SZT2: variants seen among roughly 807,000 people sequenced by gnomAD.
SZT2 encodes SZT2 subunit of KICSTOR complex, also known as KICSTOR complex protein SZT2.
In SZT2, 216 loss-of-function variants were observed where a neutral mutation model predicts 404.2. The ratio of observed to expected loss-of-function variants is 0.53; its 90% confidence interval spans 0.48 to 0.60. SZT2 has a LOEUF of 0.60. Among genes scored for constraint, SZT2 ranks in the 20% least tolerant of loss-of-function variants. The pLI is 0.00. For synonymous variants in SZT2, 1,693 were observed against 1,749.9 expected (o/e 0.97, Z 0.81); for missense variants, 3,857 against 4,459.2 (o/e 0.86, Z 3.85).
chr1:43,394,018 C>G (rs1330488571), intron 1 of SZT2: 1 of 938,208 alleles, frequency 1.1e-6, no homozygotes, highest in Non-Finnish European at 1.3e-6. Flanking sequence ...CCCCGAAACT[C>G]TACTTTGTCT....
rs112461557 is a variant in SZT2 at position 43,438,733 on chromosome 1, A to C, written c.6543A>C (p.Leu2181=). 3 of 1,613,956 alleles carry C rather than the reference A, an allele frequency of 1.9e-6. No homozygotes were observed. Reference sequence around the variant, plus strand: ...TCACGGATGAGCTCGTGCGAGTTCTATGTCGGCGCCTGGATGAGGCCACGC... The same window carrying C: ...TCACGGATGAGCTCGTGCGAGTTCTCTGTCGGCGCCTGGATGAGGCCACGC... ...PEITDELVRV[L]CRRLDEATLD... Residue 2181 remains leucine, a synonymous_variant, in exon 47 of 72, where the codon CTA becomes CTC. Transcript: ENST00000634258.
intron 62 of SZT2, among the ~76,000 whole-genome samples, chr1:43,445,053 G>A (rs1655512649): frequency 6.6e-6 from 1 of 152,098 alleles, no homozygotes; most frequent in Non-Finnish European, 1.5e-5. Flanking sequence ...CTCCTACCCT[G>A]GGGAGGAGCT....
rs763372456 is a variant in SZT2, at chr1:43,442,903, C to T, written c.8236C>T (p.Arg2746Ter). The T allele has an allele frequency of 6.8e-6, 11 of 1,614,088 alleles. No individual in the cohort carries two copies. Among genetic ancestry groups the T allele is most frequent in the Non-Finnish European group, 8.5e-6 (10 of 1,179,976 alleles). Residue 2746 changes from arginine to a stop codon, truncating the protein, a stop_gained, in exon 59 of 72, where the codon CGA becomes TGA. Coordinates refer to ENST00000634258, the MANE Select transcript of SZT2 (RefSeq NM_001365999.1). LOFTEE classifies it high-confidence loss of function. This position sits in a 1 kb window ranked among gnomAD's most constrained non-coding sequence, Gnocchi z 4.5. ...TCCCCCGCTGAGCCGTGAGCAGGGC[C>T]GACTGAGTGGGTCCTCTCGTGGTGG... ...ASPPLSREQG[R>*]LSGSSRGGGP...
At position 43,440,521 on chromosome 1, in the gene SZT2, C is replaced by T. The variant is rs762429247; in HGVS notation, c.7279C>T (p.Pro2427Ser). ...CCGAGCTAGCACCTTTCCCCCTGCC[C>T]CTGTCCCTGGGGAGCCTGTGACTCC... is the stretch of plus-strand genomic sequence containing the variant. Reference protein sequence around the residue: ...AGRASTFPPAPVPGEPVTPPS... With the variant: ...AGRASTFPPASVPGEPVTPPS... Residue 2427 changes from proline to serine, a missense_variant, in exon 52 of 72, where the codon CCT (proline) becomes TCT (serine). Pro to Ser is a moderately conservative substitution (Grantham distance 74, BLOSUM62 -1). Coordinates refer to ENST00000634258, the MANE Select transcript of SZT2 (RefSeq NM_001365999.1). The T allele has an allele frequency of 6.2e-7, 1 of 1,608,518 alleles. No homozygotes were observed. The highest frequency in any genetic ancestry group is 1.7e-5 in the Admixed American group (1 of 59,272).
chr1:43,404,299 T>A (rs1650035352), intron 3 of SZT2, 81 bp from the exon 4 acceptor site: 1 of 1,214,720 alleles, frequency 8.2e-7, no homozygotes. Flanking sequence ...AGTGTCCTAC[T>A]GACCCATGGA....
rs1654554493 is a variant in SZT2 at position 43,437,259 on chromosome 1, G to A, written c.6123G>A (p.Val2041=). The part of the protein sequence containing the change: ...FVPGHFSCDV[V]WGTVIRVHSR... ...CTGGCCATTTCTCCTGTGACGTTGTGTGGGGAACTGTGATCCGAGTCCATT... is the reference window on the plus strand; with the variant it reads ...CTGGCCATTTCTCCTGTGACGTTGTATGGGGAACTGTGATCCGAGTCCATT... The change falls in exon 43 of 72, where the codon GTG becomes GTA. Residue 2041 remains valine (V), a synonymous_variant. Transcript: ENST00000634258. The surrounding 1 kb of genome is among the most constrained non-coding windows in gnomAD (Gnocchi z 5.3). The A allele has an allele frequency of 6.2e-7, 1 of 1,614,060 alleles. No individual in the cohort carries two copies. The highest frequency in any genetic ancestry group is 8.5e-7 in the Non-Finnish European group (1 of 1,180,044).
At position 43,452,969 on chromosome 1, in the gene SZT2, A is replaced by C; in HGVS notation, c.*2489A>C. ...TCTTGCCACAGCACCCTTGCAAGGA[A>C]CACTCAACTTCCTGCCCATCAAGCA... On this transcript the variant is annotated 3_prime_UTR_variant, in exon 72 of 72. Coordinates refer to ENST00000634258, the MANE Select transcript of SZT2 (RefSeq NM_001365999.1). 1 of 1,609,044 alleles carries C rather than the reference A, an allele frequency of 6.2e-7. No individual in the cohort carries two copies. The highest frequency in any genetic ancestry group is 1.1e-5 in the South Asian group (1 of 89,936).
intron 1 of SZT2, among the ~76,000 whole-genome samples, chr1:43,395,357 G>T (rs1423274197): frequency 6.6e-6 from 1 of 152,160 alleles, no homozygotes; most frequent in Non-Finnish European, 1.5e-5. Flanking sequence ...GAGTGCAGTG[G>T]TATGATCATG....
In SZT2 at chr1:43,453,545, C is replaced by T. The variant is rs945890860; in HGVS notation, c.*3065C>T. 2.6e-6 allele frequency: 4 copies of T among 1,521,792 alleles called. No individual in the cohort carries two copies. The highest frequency in any genetic ancestry group is 1.4e-5 in the African/African-American group (1 of 72,598). The allele number at this position is 1,521,792 out of a possible 1,614,324, so 94.3% of individuals were successfully genotyped here. A position where few individuals can be genotyped will look rare whatever the true frequency, so the allele number is the denominator to read the frequency against. ...CCCCCGGCTCGGACACTCCCCTGCCCGCGCCCCGGCACCCCCCAGCCCTCC... is the reference window on the plus strand; with the variant it reads ...CCCCCGGCTCGGACACTCCCCTGCCTGCGCCCCGGCACCCCCCAGCCCTCC... On this transcript the variant is annotated 3_prime_UTR_variant, in exon 72 of 72. Coordinates refer to ENST00000634258, the MANE Select transcript of SZT2 (RefSeq NM_001365999.1).
Position 43,453,303 on chromosome 1 carries a change from G to A in SZT2, c.*2823G>A. On this transcript the variant is annotated 3_prime_UTR_variant, in exon 72 of 72. Coordinates refer to ENST00000634258, the MANE Select transcript of SZT2 (RefSeq NM_001365999.1). ...AACCAGTGGGCTCAGACTTCTGAGC[G>A]TCTCAGATCTGGCGTCCTCGACTCC... The A allele has an allele frequency of 1.1e-6, 1 of 871,994 alleles. No individual in the cohort carries two copies. Among genetic ancestry groups the A allele is most frequent in the Non-Finnish European group, 1.8e-6 (1 of 567,720 alleles). 54.0% of individuals were successfully genotyped at this position (871,994 alleles called of 1,614,324 possible).
chr1:43,408,860 A>G (rs1401797136), intron 4 of SZT2, among the ~76,000 whole-genome samples: 1 of 151,844 alleles, frequency 6.6e-6, no homozygotes, highest in Non-Finnish European at 1.5e-5. Context: ...GGCTCGCCCG[A>G]CCCACTTATC....
rs1005930319 is a variant in SZT2, at chr1:43,448,290, C to A, written c.9775C>A (p.Arg3259=). 2.7e-5 allele frequency: 42 copies of A among 1,560,556 alleles called. No individual in the cohort carries two copies. Among genetic ancestry groups the A allele is most frequent in the Non-Finnish European group, 3.6e-5 (42 of 1,152,624 alleles). ...PPLAAEVGMA[R]ARLAQLVRLA... Reference sequence around the variant, plus strand: ...ACTGGCTGCAGAGGTGGGCATGGCACGAGCACGGCTGGCTCAGCTGGTGCG... The same window carrying A: ...ACTGGCTGCAGAGGTGGGCATGGCAAGAGCACGGCTGGCTCAGCTGGTGCG... Residue 3259 remains arginine (R), a synonymous_variant, in exon 69 of 72, where the codon CGA becomes AGA. Coordinates refer to ENST00000634258, the MANE Select transcript of SZT2 (RefSeq NM_001365999.1). The surrounding 1 kb of genome is among the most constrained non-coding windows in gnomAD (Gnocchi z 4.2).
rs1452292267 is a variant in SZT2, at chr1:43,422,788, A to C, written c.1942A>C (p.Asn648His). 6.3e-7 allele frequency: 1 copy of C among 1,588,514 alleles called. No homozygotes were observed. The highest frequency in any genetic ancestry group is 2.3e-5 in the East Asian group (1 of 44,416). The change falls in exon 14 of 72, where the codon AAT becomes CAT. Residue 648 changes from asparagine (N) to histidine (H), a missense_variant. By Grantham distance (68) the Asn-to-His change is moderately conservative (BLOSUM62 1). Transcript: ENST00000634258. ...LLSSAPDQPPNSFYMVRIISK... is the reference protein window; with the variant it reads ...LLSSAPDQPPHSFYMVRIISK... Reference sequence around the variant, plus strand: ...CCCCAGTGCCCCAGACCAGCCCCCCAATTCCTTCTACATGGTCCGTATCAT... The same window carrying C: ...CCCCAGTGCCCCAGACCAGCCCCCCCATTCCTTCTACATGGTCCGTATCAT...
rs755291251 is a variant in SZT2 at position 43,439,751 on chromosome 1, G to T, written c.7024G>T (p.Val2342Phe). 6.3e-7 allele frequency: 1 copy of T among 1,596,242 alleles called. No individual in the cohort carries two copies. The highest frequency in any genetic ancestry group is 8.5e-7 in the Non-Finnish European group (1 of 1,170,152). Residue 2342 changes from valine (V) to phenylalanine (F), a missense_variant, in exon 50 of 72, where the codon GTT (valine) becomes TTT (phenylalanine). By Grantham distance (50) the Val-to-Phe change is conservative. Around this residue, in one of 7 missense-constraint regions of SZT2, gnomAD observed 573 missense variants for 592.4 expected, o/e 0.97. Transcript: ENST00000634258. This position sits in a 1 kb window ranked among gnomAD's most constrained non-coding sequence, Gnocchi z 4.2. ...QLTQVIRCPV[V>F]VDSSSAQNGA... Reference sequence around the variant, plus strand: ...GACCCAGGTCATCCGCTGCCCGGTTGTTGTGGACAGTTCTTCAGGTGGGAC... The same window carrying T: ...GACCCAGGTCATCCGCTGCCCGGTTTTTGTGGACAGTTCTTCAGGTGGGAC...
chr1:43,446,968 T>A lies in SZT2; in HGVS notation c.9086T>A (p.Phe3029Tyr). The change falls in exon 66 of 72, where the codon TTC becomes TAC. Residue 3029 changes from phenylalanine to tyrosine, a missense_variant. Phe to Tyr is a conservative substitution (Grantham distance 22). Coordinates refer to ENST00000634258, the MANE Select transcript of SZT2 (RefSeq NM_001365999.1). ...QAVNSQLSML[F>Y]TEECDKVRDL... The stretch of plus-strand genomic sequence containing the variant: ...CTGCCTCCCCAGCTGTCCATGCTGT[T>A]CACAGAGGAGTGTGACAAGGTGCGG... 1 of 1,612,732 alleles carries A rather than the reference T, an allele frequency of 6.2e-7. No homozygotes were observed. The highest frequency in any genetic ancestry group is 8.5e-7 in the Non-Finnish European group (1 of 1,179,754).
chr1:43,396,830 C>T (rs916711343), intron 1 of SZT2, among the ~76,000 whole-genome samples: 1 of 152,038 alleles, frequency 6.6e-6, no homozygotes, highest in African/African-American at 2.4e-5. Context: ...GAAGAAGATA[C>T]TAGTGAAAAT....
intron 60 of SZT2, 28 bp from the exon 61 acceptor site, chr1:43,443,324 C>T (rs1469069295): frequency 1.9e-6 from 3 of 1,614,074 alleles, no homozygotes; most frequent in African/African-American, 1.3e-5. Context: ...CCCGTCACTG[C>T]TCCATGCTCA....
chr1:43,428,944 A>C, intron 28 of SZT2: 1 of 192,214 alleles, frequency 5.2e-6, no homozygotes, highest in Admixed American at 5.3e-5. Flanking sequence ...AAGCAGGCAG[A>C]CAGCTATGGG....
chr1:43,403,911 G>A, intron 3 of SZT2, 137 bp downstream of exon 3: 2 of 996,122 alleles, frequency 2.0e-6, no homozygotes, highest in Non-Finnish European at 3.0e-6. Flanking sequence ...AATGATGGGT[G>A]TTTAAAAAGA....
Sources: gnomAD v4.1 joint callset for allele counts (sites outside exome capture counted in the v4.1 genomes callset) on GRCh38, gnomAD v4.1.1 for gene constraint, gnomAD v4.1.1 regional missense constraint, Gnocchi (gnomAD v3.1) non-coding constraint, MANE v1.5 for transcripts, NCBI Gene and HGNC (gene_info 2026-07-23, HGNC 2026-07-21) for gene names.